GPC5: variants seen among roughly 807,000 people sequenced by gnomAD.
GPC5 encodes glypican-5.
GPC5 carries 47 observed loss-of-function variants against 53.9 expected under a neutral mutation model. The ratio of observed to expected loss-of-function variants is 0.87; its 90% confidence interval spans 0.69 to 1.11. The LOEUF (loss-of-function observed/expected upper bound fraction) is 1.11. Ranked by LOEUF, GPC5 falls within the 50% of genes most tolerant of loss-of-function variation. The pLI is 0.00. For missense variants in GPC5, 748 were observed against 713.1 expected (o/e 1.05, Z -0.56); for synonymous variants, 286 against 263.3 (o/e 1.09, Z -0.84).
intron 7 of GPC5, among the ~76,000 whole-genome samples, chr13:92,502,798 GAA>G (rs1479697074): frequency 6.6e-6 from 1 of 151,946 alleles, no homozygotes; most frequent in Non-Finnish European, 1.5e-5. Flanking sequence ...TCTGTAGACA[GAA>G]AATAGGTGAG....
chr13:91,882,363 TA>T (rs2138951828), intron 5 of GPC5, among the ~76,000 whole-genome samples: 1 of 152,226 alleles, frequency 6.6e-6, no homozygotes, highest in Non-Finnish European at 1.5e-5. Context: ...TTTTATACTT[TA>T]ATAAGCCATA....
In GPC5 at chr13:92,323,848, G is replaced by T. The variant is rs183733900; in HGVS notation, c.1561+178859G>T. ...ATATAGATGATATATTAGGGTGTTG[G>T]AAAACAGGAATCCATTAGTTATATC... On this transcript the variant is annotated intron_variant, in intron 7 of 7. Coordinates refer to ENST00000377067, the MANE Select transcript of GPC5 (RefSeq NM_004466.6). Among the ~76,000 whole-genome samples, 46 of 151,882 alleles carry T rather than the reference G, an allele frequency of 3.0e-4. No individual in the cohort carries two copies. In the East Asian group the frequency reaches 7.3e-3, roughly 24 times the overall value.
At chr13:92,246,199 C>A in intron 7 of GPC5, among the ~76,000 whole-genome samples, 1 of 151,534 alleles carries the variant, frequency 6.6e-6, no homozygotes, top group African/African-American at 2.4e-5. Flanking sequence ...CAAATTTAAA[C>A]GGCATCCTTC....
chr13:92,500,239 T>C (rs901083109), intron 7 of GPC5, among the ~76,000 whole-genome samples: 2 of 152,104 alleles, frequency 1.3e-5, no homozygotes, highest in Non-Finnish European at 2.9e-5. Context: ...TAACGTACAG[T>C]GACACAGATA....
chr13:91,816,516 G>A (rs1374057676), intron 5 of GPC5, among the ~76,000 whole-genome samples: 1 of 152,152 alleles, frequency 6.6e-6, no homozygotes, highest in Non-Finnish European at 1.5e-5. Context: ...TTGAAATCAA[G>A]TAGAAGGTAA....
chr13:91,754,944 C>T (rs1014873474), intron 4 of GPC5, among the ~76,000 whole-genome samples: 10 of 152,030 alleles, frequency 6.6e-5, no homozygotes, highest in Non-Finnish European at 1.3e-4. Context: ...GCTAAAAACT[C>T]GTTTAAATAC....
intron 2 of GPC5, among the ~76,000 whole-genome samples, chr13:91,473,488 A>G (rs1882756411): frequency 6.6e-6 from 1 of 152,146 alleles, no homozygotes; most frequent in Admixed American, 6.6e-5. Flanking sequence ...CCTTTTAAAA[A>G]GTAATTGCAA....
At chr13:92,603,427 G>C (rs1258984759) in intron 7 of GPC5, among the ~76,000 whole-genome samples, 1 of 152,038 alleles carries the variant, frequency 6.6e-6, no homozygotes, top group East Asian at 1.9e-4. Context: ...TTTTGTTTTG[G>C]TTTGCTTTCA....
At chr13:92,591,266 A>T (rs1485773456) in intron 7 of GPC5, among the ~76,000 whole-genome samples, 4 of 152,026 alleles carry the variant, frequency 2.6e-5, no homozygotes, top group Non-Finnish European at 5.9e-5. Context: ...TCTCCGTAAG[A>T]TGACTGGGTA....
chr13:92,239,214 T>G (rs1338534368), intron 7 of GPC5, among the ~76,000 whole-genome samples: 2 of 151,872 alleles, frequency 1.3e-5, no homozygotes, highest in African/African-American at 2.4e-5. Context: ...CTGTATGACT[T>G]TTAGTTTAGT....
At chr13:92,801,320 T>G (rs1876899162) in intron 7 of GPC5, among the ~76,000 whole-genome samples, 1 of 151,478 alleles carries the variant, frequency 6.6e-6, no homozygotes, top group African/African-American at 2.4e-5. Flanking sequence ...GCTGAAAAAT[T>G]CCTATTGCCT....
At chr13:91,639,985 C>T (rs756606349) in intron 2 of GPC5, among the ~76,000 whole-genome samples, 6 of 151,806 alleles carry the variant, frequency 4.0e-5, no homozygotes, top group Non-Finnish European at 8.8e-5. Flanking sequence ...TCAAGTTGTC[C>T]CTGTGTTGCT....
At chr13:92,218,537 C>T (rs190240159) in intron 7 of GPC5, among the ~76,000 whole-genome samples, 2 of 152,266 alleles carry the variant, frequency 1.3e-5, no homozygotes, top group East Asian at 3.9e-4. Flanking sequence ...ATTTGTACCT[C>T]CTCTTTCACC....
intron 7 of GPC5, among the ~76,000 whole-genome samples, chr13:92,704,070 G>A (rs1379902053): frequency 1.3e-5 from 2 of 151,946 alleles, no homozygotes; most frequent in East Asian, 1.9e-4. Context: ...AAGTAATTCT[G>A]GCTGGATGAC....
At chr13:91,623,696 C>T (rs931064413) in intron 2 of GPC5, among the ~76,000 whole-genome samples, 2 of 152,102 alleles carry the variant, frequency 1.3e-5, no homozygotes, top group Non-Finnish European at 2.9e-5. Context: ...CATTGGCAGG[C>T]TTCTGAGCCA....
At chr13:91,609,830 A>G (rs1229343816) in intron 2 of GPC5, among the ~76,000 whole-genome samples, 1 of 152,224 alleles carries the variant, frequency 6.6e-6, no homozygotes, top group Non-Finnish European at 1.5e-5. Flanking sequence ...GAAAAAACCC[A>G]GGCTGTTCCA....
chr13:91,432,455 C>T (rs1306066865), intron 1 of GPC5, among the ~76,000 whole-genome samples: 6 of 152,050 alleles, frequency 3.9e-5, no homozygotes, highest in Non-Finnish European at 8.8e-5. Flanking sequence ...TTTGTATGAA[C>T]ATTAATCAAC....
chr13:92,127,239 G>A (rs2138956082), intron 6 of GPC5, among the ~76,000 whole-genome samples: 1 of 150,882 alleles, frequency 6.6e-6, no homozygotes, highest in African/African-American at 2.5e-5. Context: ...TGAACCAAAA[G>A]TAAACACTGT....
intron 7 of GPC5, among the ~76,000 whole-genome samples, chr13:92,740,183 G>A (rs1247096934): frequency 6.6e-6 from 1 of 151,488 alleles, no homozygotes; most frequent in African/African-American, 2.4e-5. Context: ...TCTTCTTCAG[G>A]TATTCTGAGC....
Sources: gnomAD v4.1 joint callset for allele counts (sites outside exome capture counted in the v4.1 genomes callset) on GRCh38, gnomAD v4.1.1 for gene constraint, MANE v1.5 for transcripts, NCBI Gene and HGNC (gene_info 2026-07-23, HGNC 2026-07-21) for gene names.